Variants in FGF13 observed in about 807,000 individuals in gnomAD.
The protein encoded by FGF13 is fibroblast growth factor 13.
Under a neutral mutation model 19.5 loss-of-function variants are expected in FGF13, and 2 were observed. The observed-to-expected ratio is 0.10, with a 90% CI of 0.04 to 0.32. FGF13 has a LOEUF of 0.32. Ranked by LOEUF, FGF13 falls within the 10% of genes least tolerant of loss-of-function variation. The pLI, the probability that FGF13 is intolerant of heterozygous loss-of-function variation, is 1.00. For missense variants in FGF13, 113 were observed against 192.7 expected (o/e 0.59, Z 2.45); for synonymous variants, 72 against 76.9 (o/e 0.94, Z 0.33).
chrX:138,842,837 T>A (rs1211988654), intron 3 of FGF13, among the ~76,000 whole-genome samples: 1 of 111,017 alleles, frequency 9.0e-6, no homozygotes, highest in East Asian at 2.8e-4. Context: ...AGTTGAGAAA[T>A]CCTGCTCTAG....
intron 1 of FGF13, among the ~76,000 whole-genome samples, chrX:139,033,956 G>T (rs1185360239): frequency 8.9e-6 from 1 of 111,809 alleles, no homozygotes; most frequent in African/African-American, 3.2e-5. Context: ...GCAGGGAAAA[G>T]TAATGTCCAG....
At chrX:139,100,455 G>A (rs1216395678) in intron 1 of FGF13, among the ~76,000 whole-genome samples, 2 of 109,561 alleles carry the variant, frequency 1.8e-5, no homozygotes, top group Non-Finnish European at 3.8e-5. Context: ...GAGGCTCTGT[G>A]CAGCACTGAC....
intron 4 of FGF13, among the ~76,000 whole-genome samples, 167 bp downstream of exon 4, chrX:138,635,290 C>T (rs760017516): frequency 4.5e-5 from 5 of 111,382 alleles, no homozygotes; most frequent in South Asian, 3.8e-4. Flanking sequence ...ATACTGGGTA[C>T]AGTGTATACT....
chrX:138,986,577 G>C (rs1205462986), intron 1 of FGF13, among the ~76,000 whole-genome samples: 2 of 111,922 alleles, frequency 1.8e-5, no homozygotes, highest in Non-Finnish European at 3.8e-5. Flanking sequence ...TTGTTTTAAA[G>C]ACGGGGTCTT....
At chrX:138,954,336 A>G (rs1056710479) in intron 1 of FGF13, among the ~76,000 whole-genome samples, 1 of 111,944 alleles carries the variant, frequency 8.9e-6, no homozygotes. Flanking sequence ...TTTAAGCATA[A>G]TGAATAAGTC....
chrX:139,203,756 C>T (rs1464503494), upstream of FGF13, among the ~76,000 whole-genome samples: 1 of 112,071 alleles, frequency 8.9e-6, no homozygotes, highest in East Asian at 2.9e-4. Context: ...AGCGCGGTTC[C>T]CGGCGCTCCA....
chrX:138,730,771 G>C (rs2090224397), intron 1 of FGF13, among the ~76,000 whole-genome samples: 1 of 111,192 alleles, frequency 9.0e-6, no homozygotes, highest in South Asian at 3.7e-4. Flanking sequence ...CGAAATAAAA[G>C]TCAGAATTTG....
chrX:138,966,486 G>A (rs1385998140), intron 1 of FGF13, among the ~76,000 whole-genome samples: 1 of 112,269 alleles, frequency 8.9e-6, no homozygotes, highest in Non-Finnish European at 1.9e-5. Flanking sequence ...TTTCGAACTT[G>A]TGTGGAGCCT....
intron 1 of FGF13, among the ~76,000 whole-genome samples, chrX:139,054,405 G>A (rs771647939): frequency 9.0e-6 from 1 of 111,022 alleles, no homozygotes; most frequent in Admixed American, 9.5e-5. Context: ...TTACAGGCGT[G>A]AGCCACCGCG....
chrX:139,043,513 G>A (rs534596866), intron 1 of FGF13, among the ~76,000 whole-genome samples: 1 of 110,998 alleles, frequency 9.0e-6, no homozygotes, highest in South Asian at 3.8e-4. Flanking sequence ...GCACCTGGCT[G>A]CTTATCAATA....
At chrX:138,978,807 C>A (rs2091951637) in intron 1 of FGF13, among the ~76,000 whole-genome samples, 1 of 111,391 alleles carries the variant, frequency 9.0e-6, no homozygotes, top group Admixed American at 9.5e-5. Context: ...GGCAGTTTGA[C>A]CAAATTACTG....
intron 1 of FGF13, among the ~76,000 whole-genome samples, chrX:138,971,475 G>A (rs2091915320): frequency 9.0e-6 from 1 of 111,722 alleles, no homozygotes; most frequent in African/African-American, 3.3e-5. Context: ...TTTTTTAATT[G>A]AGTTGTAATA....
chrX:138,759,622 T>A (rs1292775296), intron 3 of FGF13, among the ~76,000 whole-genome samples: 1 of 112,137 alleles, frequency 8.9e-6, no homozygotes, highest in Non-Finnish European at 1.9e-5. Context: ...AGCTGAAGTC[T>A]GGCCACTGCA....
intron 1 of FGF13, among the ~76,000 whole-genome samples, chrX:139,021,009 G>C (rs1350116061): frequency 9.0e-6 from 1 of 111,105 alleles, no homozygotes; most frequent in Non-Finnish European, 1.9e-5. Flanking sequence ...GATTATGACC[G>C]GGTGATGAAA....
At chrX:138,737,962 C>T (rs1308533230) in intron 1 of FGF13, among the ~76,000 whole-genome samples, 1 of 112,407 alleles carries the variant, frequency 8.9e-6, no homozygotes, top group Non-Finnish European at 1.9e-5. Context: ...ATTTTCATCA[C>T]TAATATTGCC....
intron 1 of FGF13, among the ~76,000 whole-genome samples, chrX:139,169,949 G>A (rs1448311017): frequency 9.0e-6 from 1 of 111,157 alleles, no homozygotes; most frequent in Non-Finnish European, 1.9e-5. Flanking sequence ...TGCATTTGCT[G>A]AACTACAAAG....
intron 3 of FGF13, among the ~76,000 whole-genome samples, chrX:138,660,496 T>C (rs1487189413): frequency 8.9e-6 from 1 of 111,933 alleles, no homozygotes; most frequent in Non-Finnish European, 1.9e-5. Flanking sequence ...ACATAGCAGG[T>C]GTATATATTT....
intron 3 of FGF13, among the ~76,000 whole-genome samples, chrX:138,833,836 A>T (rs937684203): frequency 8.9e-6 from 1 of 111,806 alleles, no homozygotes; most frequent in African/African-American, 3.3e-5. Flanking sequence ...TATTCCTTTG[A>T]TACCTAGGTT....
At chrX:138,903,100 A>G (rs1321005127) in intron 1 of FGF13, among the ~76,000 whole-genome samples, 2 of 112,120 alleles carry the variant, frequency 1.8e-5, no homozygotes, top group African/African-American at 6.5e-5. Flanking sequence ...CATCAATAAA[A>G]AGTGGATTTC....
Sources: allele counts gnomAD v4.1 joint callset (sites outside exome capture counted in the v4.1 genomes callset), GRCh38; gene constraint gnomAD v4.1.1; transcripts MANE v1.5; gene names NCBI Gene and HGNC (gene_info 2026-07-23, HGNC 2026-07-21).